The following CTTNBP2 variants were observed in gnomAD, a reference collection of about 807,000 sequenced individuals.
CTTNBP2 encodes cortactin-binding protein 2.
In CTTNBP2, 108 loss-of-function variants were observed where a neutral mutation model predicts 156.9. That is an observed-to-expected ratio of 0.69 (90% CI 0.59 to 0.81). The LOEUF is 0.81. CTTNBP2 is among the 30% of genes least tolerant of loss of function. CTTNBP2 has a pLI of 0.00. For synonymous variants in CTTNBP2, 767 were observed against 751.8 expected (o/e 1.02, Z -0.33); for missense variants, 1,924 against 2,035.4 (o/e 0.95, Z 1.05).
chr7:117,731,526 G>A (rs955569379), intron 16 of CTTNBP2, among the ~76,000 whole-genome samples: 7 of 152,170 alleles, frequency 4.6e-5, no homozygotes, highest in Admixed American at 6.5e-5. Flanking sequence ...CAGTCCCCAG[G>A]CCAGGGGCCA....
chr7:117,824,250 T>C (rs1415122950), intron 2 of CTTNBP2, among the ~76,000 whole-genome samples: 1 of 152,158 alleles, frequency 6.6e-6, no homozygotes, highest in African/African-American at 2.4e-5. Context: ...AAGATTATTC[T>C]TGGCATCAGC....
chr7:117,803,497 G>A (rs1162856464), intron 3 of CTTNBP2, among the ~76,000 whole-genome samples: 3 of 152,152 alleles, frequency 2.0e-5, no homozygotes, highest in Non-Finnish European at 4.4e-5. Context: ...ATATGCCAAT[G>A]TGAACCTGCA....
Position 117,792,805 on chromosome 7 carries a change from C to T in CTTNBP2, c.415-24G>A, listed in dbSNP as rs934965105. The T allele has an allele frequency of 2.7e-6, 4 of 1,476,338 alleles. No individual in the cohort carries two copies. The highest frequency in any genetic ancestry group is 1.4e-5 in the African/African-American group (1 of 70,846). 91.5% of individuals were successfully genotyped at this position (1,476,338 alleles called of 1,614,324 possible). On this transcript the variant is annotated intron_variant, in intron 3 of 22. Transcript: ENST00000160373. This position sits in a 1 kb window ranked among gnomAD's most constrained non-coding sequence, Gnocchi z 4.2. ...AGCTGAAAGAAATTCACAGGAAAAC[C>T]CTGATTAATATACAGAATTTTCTTT...
At chr7:117,811,226 A>G (rs1490179459) in intron 2 of CTTNBP2, among the ~76,000 whole-genome samples, 1 of 152,136 alleles carries the variant, frequency 6.6e-6, no homozygotes, top group Non-Finnish European at 1.5e-5. Flanking sequence ...ATTACAAATG[A>G]TGCAAATATA....
Position 117,791,922 on chromosome 7 carries a change from A to G in CTTNBP2, c.1274T>C (p.Met425Thr). The change falls in exon 4 of 23, where the codon ATG becomes ACG. Residue 425 changes from methionine (M) to threonine (T), a missense_variant. Transcript: ENST00000160373. ...GGCACATGGTGAATGTAAACTGTGCATAGGTGGAGCTTGCGAGTTCTGAGG... is the reference window on the plus strand; with the variant it reads ...GGCACATGGTGAATGTAAACTGTGCGTAGGTGGAGCTTGCGAGTTCTGAGG... Reference protein sequence around the residue: ...IAPQNSQAPPMHSLHSPCANT... With the variant: ...IAPQNSQAPPTHSLHSPCANT... The G allele has an allele frequency of 4.3e-6, 7 of 1,614,170 alleles. No homozygotes were observed. The highest frequency in any genetic ancestry group is 5.9e-6 in the Non-Finnish European group (7 of 1,180,040).
intron 14 of CTTNBP2, among the ~76,000 whole-genome samples, chr7:117,744,982 C>G (rs1158973361): frequency 6.6e-6 from 1 of 152,206 alleles, no homozygotes; most frequent in Admixed American, 6.5e-5. Flanking sequence ...ACAACTGCTT[C>G]CTTCGCCCCT....
intron 22 of CTTNBP2, among the ~76,000 whole-genome samples, chr7:117,717,609 C>T (rs889775590): frequency 6.6e-6 from 1 of 151,994 alleles, no homozygotes; most frequent in African/African-American, 2.4e-5. Flanking sequence ...TACCCACACA[C>T]TGACCACTTA....
intron 12 of CTTNBP2, among the ~76,000 whole-genome samples, chr7:117,748,686 C>T (rs1460492236): frequency 6.6e-6 from 1 of 152,242 alleles, no homozygotes; most frequent in Non-Finnish European, 1.5e-5. Context: ...TAAGCCCAGA[C>T]TCTACTATGA....
At chr7:117,864,772 CAATA>C (rs573204175) in intron 1 of CTTNBP2, among the ~76,000 whole-genome samples, 2,297 of 137,992 alleles carry the variant, frequency 0.017, 82 homozygotes, top group African/African-American at 0.059. Context: ...TATATTCATT[CAATA>C]TATATTCATA....
At position 117,710,770 on chromosome 7, in the gene CTTNBP2, C is replaced by A. The variant is rs548105937; in HGVS notation, c.*767G>T. The A allele has an allele frequency of 7.1e-6, 1 of 141,734 alleles. No individual in the cohort carries two copies. Among genetic ancestry groups the A allele is most frequent in the African/African-American group, 2.6e-5 (1 of 38,630 alleles). 8.8% of individuals were successfully genotyped at this position (141,734 alleles called of 1,614,324 possible). A position where few individuals can be genotyped will look rare whatever the true frequency, so the allele number is the denominator to read the frequency against. On this transcript the variant is annotated 3_prime_UTR_variant, in exon 23 of 23. Coordinates refer to ENST00000160373, the MANE Select transcript of CTTNBP2 (RefSeq NM_033427.3). ...AATATCAATATTATCAGTTGTGCTA[C>A]TAGAAATATTGAAGGAGTTAATTCT...
intron 20 of CTTNBP2, 88 bp downstream of exon 20, chr7:117,720,979 A>AGT (rs113158366): frequency 2.2e-6 from 2 of 889,122 alleles, no homozygotes; most frequent in African/African-American, 3.6e-5. Flanking sequence ...TAGTCATTCA[A>AGT]ATGAGAACAT....
At position 117,777,579 on chromosome 7, in the gene CTTNBP2, C is replaced by G; in HGVS notation, c.2710G>C (p.Asp904His). The change falls in exon 8 of 23, where the codon GAC becomes CAC. Residue 904 changes from aspartate (D) to histidine (H), a missense_variant. Asp to His is a moderately conservative substitution (Grantham distance 81). Coordinates refer to ENST00000160373, the MANE Select transcript of CTTNBP2 (RefSeq NM_033427.3). The part of the protein sequence containing the change: ...EGISKPVVPA[D>H]LINHANREGW... ...TCTCTGTTGGCGTGGTTAATGAGGT[C>G]TGCAGGAACAACAGGCTTGGATATG... 1 of 1,613,996 alleles carries G rather than the reference C, an allele frequency of 6.2e-7. No individual in the cohort carries two copies. The highest frequency in any genetic ancestry group is 8.5e-7 in the Non-Finnish European group (1 of 1,179,952).
Position 117,757,923 on chromosome 7 carries a change from C to T in CTTNBP2, c.3220G>A (p.Asp1074Asn). The change falls in exon 11 of 23, where the codon GAC becomes AAC. Residue 1074 changes from aspartate (D) to asparagine (N), a missense_variant. Asp to Asn is a conservative substitution (Grantham distance 23). Coordinates refer to ENST00000160373, the MANE Select transcript of CTTNBP2 (RefSeq NM_033427.3). Reference sequence around the variant, plus strand: ...TCTGCCTTATTCTTCCTCATAAAGTCCCACGGGGACTGCGCGAAGCTCTGA... The same window carrying T: ...TCTGCCTTATTCTTCCTCATAAAGTTCCACGGGGACTGCGCGAAGCTCTGA... ...VGQSFAQSPW[D>N]FMRKNKAEHI... 6.2e-7 allele frequency: 1 copy of T among 1,613,542 alleles called. No individual in the cohort carries two copies. Among genetic ancestry groups the T allele is most frequent in the Non-Finnish European group, 8.5e-7 (1 of 1,179,832 alleles).
intron 12 of CTTNBP2, among the ~76,000 whole-genome samples, chr7:117,756,150 C>G (rs1195119276): frequency 6.6e-6 from 1 of 152,138 alleles, no homozygotes; most frequent in East Asian, 1.9e-4. Flanking sequence ...TTAAAGTGGC[C>G]AAATTAACCT....
intron 2 of CTTNBP2, among the ~76,000 whole-genome samples, chr7:117,846,975 C>T (rs966912746): frequency 1.3e-5 from 2 of 152,010 alleles, no homozygotes; most frequent in Admixed American, 1.3e-4. Flanking sequence ...TGGTTAGTTA[C>T]AACGTAAAGA....
intron 12 of CTTNBP2, 47 bp downstream of exon 12, chr7:117,756,508 T>C (rs777887446): frequency 1.4e-6 from 2 of 1,442,218 alleles, no homozygotes; most frequent in African/African-American, 1.4e-5. Context: ...AATTTTCCAG[T>C]GGCAGGGATG....
At chr7:117,744,819 C>T (rs1300134639) in intron 14 of CTTNBP2, among the ~76,000 whole-genome samples, 2 of 152,168 alleles carry the variant, frequency 1.3e-5, no homozygotes, top group Non-Finnish European at 2.9e-5. Flanking sequence ...TTAGCTTGTG[C>T]CCCAGAAATC....
At chr7:117,727,974 C>A (rs1244178458) in intron 17 of CTTNBP2, 115 bp downstream of exon 17, 3 of 883,534 alleles carry the variant, frequency 3.4e-6, no homozygotes, top group African/African-American at 3.4e-5. Context: ...CACTGGCACT[C>A]CGTGTCAGTG....
chr7:117,739,770 C>T (rs2116517496), intron 14 of CTTNBP2, among the ~76,000 whole-genome samples: 1 of 152,254 alleles, frequency 6.6e-6, no homozygotes, highest in East Asian at 1.9e-4. Context: ...TTCTGAGAGG[C>T]CAAGTGGGAA....
Sources: allele counts gnomAD v4.1 joint callset (sites outside exome capture counted in the v4.1 genomes callset), GRCh38; gene constraint gnomAD v4.1.1; non-coding constraint Gnocchi (gnomAD v3.1); transcripts MANE v1.5; gene names NCBI Gene and HGNC (gene_info 2026-07-23, HGNC 2026-07-21).